Variants in DRC3 observed in about 807,000 individuals in gnomAD.
DRC3 encodes the protein leucine rich repeat containing 48.
DRC3 carries 45 observed loss-of-function variants against 57.6 expected under a neutral mutation model. That is an observed-to-expected ratio of 0.78 (90% CI 0.62 to 1.00). The LOEUF is 1.00. Ranked by LOEUF, DRC3 falls within the 50% of genes least tolerant of loss-of-function variation. The probability of loss-of-function intolerance (pLI) is 0.00; values close to 1 mark genes in which losing one functional copy is unlikely to be tolerated. For missense variants in DRC3, 655 were observed against 675.2 expected (o/e 0.97, Z 0.33); for synonymous variants, 257 against 272.3 (o/e 0.94, Z 0.55).
intron 10 of DRC3, chr17:18,005,604 G>A (rs2043919623): frequency 6.5e-6 from 1 of 153,234 alleles, no homozygotes; most frequent in African/African-American, 2.4e-5. Flanking sequence ...CTCCTACTGA[G>A]GGCCTCCTCT....
intron 5 of DRC3, among the ~76,000 whole-genome samples, chr17:17,992,345 C>T (rs967115200): frequency 6.6e-6 from 1 of 152,214 alleles, no homozygotes; most frequent in African/African-American, 2.4e-5. Flanking sequence ...ATGCTGGTAA[C>T]AGCAACTAAA....
chr17:18,007,111 C>T lies in DRC3; in HGVS notation c.1290C>T (p.Gly430=), dbSNP rs373727474. 26 of 1,191,390 alleles carry T rather than the reference C, an allele frequency of 2.2e-5. No homozygotes were observed. Among genetic ancestry groups the T allele is most frequent in the Middle Eastern group, 2.2e-4 (1 of 4,562 alleles). The allele number at this position is 1,191,390 out of a possible 1,614,324, so 73.8% of individuals were successfully genotyped here. ...GCACCCTGGAGAAGATTGTCGAGGG[C>T]GACCTGGACGAGGACCTGCCTAACG... is the stretch of plus-strand genomic sequence containing the variant. ...SISTLEKIVE[G]DLDEDLPNDL... The change falls in exon 12 of 14, where the codon GGC becomes GGT. Residue 430 remains glycine (G), a synonymous_variant. Transcript: ENST00000399187.
chr17:17,984,324 C>T (rs1200925606), intron 4 of DRC3, among the ~76,000 whole-genome samples: 1 of 152,164 alleles, frequency 6.6e-6, no homozygotes, highest in Non-Finnish European at 1.5e-5. Flanking sequence ...CAGGAATAAT[C>T]GTCACAGAGG....
At chr17:17,985,962 A>G (rs1208696414) in intron 4 of DRC3, among the ~76,000 whole-genome samples, 5 of 152,188 alleles carry the variant, frequency 3.3e-5, no homozygotes, top group Non-Finnish European at 7.3e-5. Flanking sequence ...CCCAGGCTGG[A>G]GTGCAGTGGC....
chr17:18,007,918 T>C, intron 12 of DRC3: 1 of 930,382 alleles, frequency 1.1e-6, no homozygotes, highest in Non-Finnish European at 1.3e-6. Context: ...CTCTTTACTG[T>C]CCTCTTACAG....
At chr17:17,994,027 A>T (rs934040606) in intron 6 of DRC3, 2 of 389,222 alleles carry the variant, frequency 5.1e-6, no homozygotes, top group Non-Finnish European at 4.8e-6. Flanking sequence ...CCTGCCCTGG[A>T]GATGGCCCCG....
chr17:17,982,317 G>A (rs572336952), intron 3 of DRC3, among the ~76,000 whole-genome samples: 34 of 150,714 alleles, frequency 2.3e-4, no homozygotes, highest in African/African-American at 5.4e-4. Flanking sequence ...CTGGGTTCAC[G>A]CCATTCTCCT....
chr17:18,003,438 C>T (rs974123036), intron 9 of DRC3, among the ~76,000 whole-genome samples: 2 of 120,754 alleles, frequency 1.7e-5, no homozygotes, highest in East Asian at 5.6e-4. Context: ...TGACCGAGAT[C>T]GTACCACTGC....
Position 17,986,977 on chromosome 17 carries a change from G to A in DRC3, c.278-955G>A, listed in dbSNP as rs186114372. ...CCTGTAATCCCCACTTTGGGAGGCC[G>A]AGGTGGGAGGATCACTTGAGCCCAG... On this transcript the variant is annotated intron_variant, in intron 4 of 13. Transcript: ENST00000399187. Among the ~76,000 whole-genome samples, 39 of 152,200 alleles carry A rather than the reference G, an allele frequency of 2.6e-4. No homozygotes were observed. In the East Asian group the frequency reaches 5.4e-3, roughly 21 times the overall value.
At chr17:17,976,823 T>C (rs1344842570) in intron 2 of DRC3, among the ~76,000 whole-genome samples, 1 of 152,126 alleles carries the variant, frequency 6.6e-6, no homozygotes, top group East Asian at 1.9e-4. Flanking sequence ...GCAGCCTCTG[T>C]CTGTGTCGAT....
intron 11 of DRC3, 67 bp from the exon 12 acceptor site, chr17:18,006,957 C>T (rs958662457): frequency 4.0e-5 from 64 of 1,599,160 alleles, no homozygotes; most frequent in Non-Finnish European, 4.9e-5. Context: ...TGTCTCCCGC[C>T]GTCTGAGAGC....
At chr17:17,991,484 G>C (rs2145317399) in intron 5 of DRC3, among the ~76,000 whole-genome samples, 1 of 151,390 alleles carries the variant, frequency 6.6e-6, no homozygotes, top group South Asian at 2.1e-4. Flanking sequence ...TTTTAGTAGA[G>C]ACGGGGTTTC....
intron 12 of DRC3, among the ~76,000 whole-genome samples, chr17:18,009,434 A>G (rs896418676): frequency 3.3e-5 from 5 of 152,080 alleles, no homozygotes; most frequent in African/African-American, 1.2e-4. Flanking sequence ...GGAATAATAC[A>G]TCGCTGACAT....
chr17:17,988,193 G>T, intron 5 of DRC3, 95 bp downstream of exon 5: 17 of 1,266,612 alleles, frequency 1.3e-5, no homozygotes, highest in Non-Finnish European at 1.8e-5. Context: ...AGTACAGGCT[G>T]AGTGTTCAGA....
chr17:17,985,762 C>T (rs78559073), intron 4 of DRC3, among the ~76,000 whole-genome samples: 1,683 of 152,274 alleles, frequency 0.011, 32 homozygotes, highest in African/African-American at 0.039. Context: ...CTTGCTAGCA[C>T]ACCACTAGGG....
At chr17:17,984,405 C>T (rs2042861476) in intron 4 of DRC3, among the ~76,000 whole-genome samples, 1 of 151,932 alleles carries the variant, frequency 6.6e-6, no homozygotes, top group African/African-American at 2.4e-5. Flanking sequence ...TCTTTCAGTT[C>T]ACACAGCATC....
intron 3 of DRC3, among the ~76,000 whole-genome samples, chr17:17,980,344 G>A (rs866763017): frequency 1.3e-5 from 2 of 151,604 alleles, no homozygotes; most frequent in Middle Eastern, 3.4e-3. Flanking sequence ...TGGAGTGCTA[G>A]AGTGCAGTAG....
chr17:17,997,397 C>A, intron 8 of DRC3, 63 bp from the exon 9 acceptor site: 1 of 1,540,084 alleles, frequency 6.5e-7, no homozygotes, highest in Non-Finnish European at 8.9e-7. Flanking sequence ...TTACCAACAC[C>A]TTGGCCGTGC....
In DRC3 at chr17:18,016,068, T is replaced by C; in HGVS notation, c.1331T>C (p.Phe444Ser). The C allele has an allele frequency of 6.2e-7, 1 of 1,613,438 alleles. No individual in the cohort carries two copies. Residue 444 changes from phenylalanine to serine, a missense_variant, in exon 13 of 14, where the codon TTT (phenylalanine) becomes TCT (serine). Coordinates refer to ENST00000399187, the MANE Select transcript of DRC3 (RefSeq NM_031294.4). ...TGGATTCTTTTCACTCACCAGCTTT[T>C]TGTCGATAAAGATACGATTGTTAAT... ...EDLPNDLRALFVDKDTIVNAV... is the reference protein window; with the variant it reads ...EDLPNDLRALSVDKDTIVNAV...
Sources: gnomAD v4.1 joint callset for allele counts (sites outside exome capture counted in the v4.1 genomes callset) on GRCh38, gnomAD v4.1.1 for gene constraint, MANE v1.5 for transcripts, NCBI Gene and HGNC (gene_info 2026-07-23, HGNC 2026-07-21) for gene names.